Variants in ADAM2 observed in about 807,000 individuals in gnomAD.
The protein encoded by ADAM2 is ADAM metallopeptidase domain 2.
In ADAM2, 101 loss-of-function variants were observed where a neutral mutation model predicts 99.3. The ratio of observed to expected loss-of-function variants is 1.02; its 90% CI spans 0.87 to 1.20. ADAM2 has a LOEUF of 1.20. Among genes scored for constraint, ADAM2 ranks in the 50% most tolerant of loss-of-function variants. ADAM2 has a pLI of 0.00. For missense variants in ADAM2, 948 were observed against 878.7 expected (o/e 1.08, Z -1.00); for synonymous variants, 323 against 287.6 (o/e 1.12, Z -1.25).
At position 39,817,062 on chromosome 8, in the gene ADAM2, C is replaced by T. The variant is rs527793783; in HGVS notation, c.513+3940G>A. The stretch of plus-strand genomic sequence containing the variant: ...TGAAACAATATATAATGTAAAAGCT[C>T]ATTAGAGGAGAAAAATAAAAATACT... On this transcript the variant is annotated intron_variant, in intron 6 of 20. Coordinates refer to ENST00000265708, the MANE Select transcript of ADAM2 (RefSeq NM_001464.5). 2.7e-5 allele frequency among the ~76,000 whole-genome samples: 4 copies of T among 150,364 alleles called. No individual in the cohort carries two copies. The South Asian group carries it at 6.3e-4, about 24-fold the overall frequency.
At chr8:39,781,268 C>T (rs182725033) in intron 10 of ADAM2, among the ~76,000 whole-genome samples, 11 of 152,028 alleles carry the variant, frequency 7.2e-5, no homozygotes, top group Admixed American at 1.3e-4. Flanking sequence ...GAAGTGCATA[C>T]GTGTGTACTT....
chr8:39,777,183 A>G, intron 10 of ADAM2, 22 bp from the exon 11 acceptor site: 1 of 1,588,248 alleles, frequency 6.3e-7, no homozygotes, highest in Non-Finnish European at 8.6e-7. Flanking sequence ...AAATAGATGT[A>G]CACGTTTTGG....
At position 39,761,200 on chromosome 8, in the gene ADAM2, G is replaced by A; in HGVS notation, c.1589C>T (p.Ser530Leu). The change falls in exon 15 of 21, where the codon TCA (serine) becomes TTA (leucine). Residue 530 changes from serine (S) to leucine (L), a missense_variant. Transcript: ENST00000265708. Reference sequence around the variant, plus strand: ...CTCAGCTTCACACTGTGTGTATCCTGAATCACTTATACCACAGTTTCCAGA... The same window carrying A: ...CTCAGCTTCACACTGTGTGTATCCTAAATCACTTATACCACAGTTTCCAGA... ...DVSGNCGISD[S>L]GYTQCEADNL... 6.2e-7 allele frequency: 1 copy of A among 1,600,946 alleles called. No individual in the cohort carries two copies. The highest frequency in any genetic ancestry group is 8.5e-7 in the Non-Finnish European group (1 of 1,172,662).
At chr8:39,832,370 G>C (rs984793371) in intron 3 of ADAM2, among the ~76,000 whole-genome samples, 3 of 152,164 alleles carry the variant, frequency 2.0e-5, no homozygotes, top group Non-Finnish European at 2.9e-5. Context: ...GGGACTGACA[G>C]GGCTTGACAT....
At chr8:39,807,212 G>A (rs1804477353) in intron 7 of ADAM2, among the ~76,000 whole-genome samples, 1 of 152,224 alleles carries the variant, frequency 6.6e-6, no homozygotes, top group Admixed American at 6.5e-5. Flanking sequence ...GACTTGCTTG[G>A]AAACCATGGC....
intron 2 of ADAM2, among the ~76,000 whole-genome samples, chr8:39,836,712 C>T (rs982887008): frequency 3.9e-5 from 6 of 152,104 alleles, no homozygotes; most frequent in African/African-American, 1.4e-4. Context: ...TTAACATATT[C>T]GCAATCAGGG....
intron 14 of ADAM2, 43 bp downstream of exon 14, chr8:39,766,805 C>A: frequency 2.2e-6 from 3 of 1,374,750 alleles, no homozygotes; most frequent in South Asian, 1.4e-5. Flanking sequence ...GTTCAGTTTC[C>A]AGAAAAAAAC....
intron 11 of ADAM2, among the ~76,000 whole-genome samples, chr8:39,773,813 C>T (rs1299367194): frequency 6.6e-6 from 1 of 151,824 alleles, no homozygotes; most frequent in African/African-American, 2.4e-5. Context: ...AGTACAAAAT[C>T]TCTTTTAGAA....
At chr8:39,771,224 C>T (rs1273767734) in intron 11 of ADAM2, among the ~76,000 whole-genome samples, 4 of 152,170 alleles carry the variant, frequency 2.6e-5, no homozygotes, top group Non-Finnish European at 4.4e-5. Context: ...TGCATGGTTC[C>T]CTTTCATTCA....
intron 7 of ADAM2, among the ~76,000 whole-genome samples, chr8:39,797,921 T>C (rs1003539242): frequency 1.3e-5 from 2 of 152,270 alleles, no homozygotes; most frequent in Non-Finnish European, 2.9e-5. Context: ...AAGTTGTTTA[T>C]CAGTTGAAGA....
chr8:39,822,150 A>G (rs533409889), intron 4 of ADAM2, among the ~76,000 whole-genome samples: 1 of 152,206 alleles, frequency 6.6e-6, no homozygotes, highest in African/African-American at 2.4e-5. Context: ...TTCTATTTCC[A>G]TCTTATTTAG....
At chr8:39,792,749 A>C (rs1803772809) in intron 7 of ADAM2, among the ~76,000 whole-genome samples, 2 of 152,108 alleles carry the variant, frequency 1.3e-5, no homozygotes, top group African/African-American at 4.8e-5. Flanking sequence ...AATTTTATAA[A>C]TAGAAAAAGA....
chr8:39,746,783 A>G (rs898686727), intron 18 of ADAM2, 152 bp from the exon 19 acceptor site: 4 of 645,678 alleles, frequency 6.2e-6, no homozygotes, highest in Non-Finnish European at 9.9e-6. Flanking sequence ...TAACTTGAAA[A>G]TATAAATGCC....
chr8:39,783,295 G>A (rs1347262015), intron 10 of ADAM2, among the ~76,000 whole-genome samples: 8 of 152,012 alleles, frequency 5.3e-5, no homozygotes, highest in Non-Finnish European at 1.2e-4. Context: ...TTTGGTATAA[G>A]ATTTTAGAAA....
At chr8:39,803,698 A>G (rs1292763061) in intron 7 of ADAM2, among the ~76,000 whole-genome samples, 7 of 152,254 alleles carry the variant, frequency 4.6e-5, no homozygotes, top group Admixed American at 4.6e-4. Flanking sequence ...TTTTGGGGAT[A>G]GAAATCAGAA....
At chr8:39,753,876 T>C (rs1016777634) in intron 16 of ADAM2, among the ~76,000 whole-genome samples, 1 of 151,964 alleles carries the variant, frequency 6.6e-6, no homozygotes, top group Non-Finnish European at 1.5e-5. Flanking sequence ...AGAAATAGCA[T>C]GAAAATGGGG....
In ADAM2 at chr8:39,780,134, C is replaced by T. The variant is rs1823655; in HGVS notation, c.892-2973G>A. Among the ~76,000 whole-genome samples, 403 of 152,218 alleles carry T rather than the reference C, an allele frequency of 2.6e-3. 1 individual carries two copies. The highest frequency in any genetic ancestry group is 9.3e-3 in the African/African-American group (386 of 41,536). On this transcript the variant is annotated intron_variant, in intron 10 of 20. Coordinates refer to ENST00000265708, the MANE Select transcript of ADAM2 (RefSeq NM_001464.5). ...AGAGGAAGGAAGAGCAAAGGCACAT[C>T]TTACATGGTGGCAGGCCAGAGAACG...
At chr8:39,760,351 T>C (rs1344051197) in intron 15 of ADAM2, among the ~76,000 whole-genome samples, 1 of 152,130 alleles carries the variant, frequency 6.6e-6, no homozygotes, top group Non-Finnish European at 1.5e-5. Flanking sequence ...AATACGTGCC[T>C]GAGGTCACAC....
intron 4 of ADAM2, among the ~76,000 whole-genome samples, chr8:39,824,014 T>C (rs1805298505): frequency 6.6e-6 from 1 of 152,140 alleles, no homozygotes; most frequent in African/African-American, 2.4e-5. Context: ...CCAGGAGTAG[T>C]GACTCACTGC....
Sources: gnomAD v4.1 joint callset for allele counts (sites outside exome capture counted in the v4.1 genomes callset) on GRCh38, gnomAD v4.1.1 for gene constraint, MANE v1.5 for transcripts, NCBI Gene and HGNC (gene_info 2026-07-23, HGNC 2026-07-21) for gene names.